Variants in STAM2 observed in about 807,000 individuals in gnomAD.
STAM2 encodes the protein signal transducing adapter molecule 2.
A neutral mutation model predicts 65.6 loss-of-function variants in STAM2; 51 were observed. The ratio of observed to expected loss-of-function variants is 0.78; its 90% CI spans 0.62 to 0.98. The LOEUF (loss-of-function observed/expected upper bound fraction) is 0.98. STAM2 is among the 50% of genes least tolerant of loss of function. The pLI is 0.00. For missense variants in STAM2, 584 were observed against 617.8 expected (o/e 0.95, Z 0.58); for synonymous variants, 198 against 208.4 (o/e 0.95, Z 0.43).
At chr2:152,129,223 A>C (rs1490432835) in intron 11 of STAM2, among the ~76,000 whole-genome samples, 1 of 152,110 alleles carries the variant, frequency 6.6e-6, no homozygotes, top group Non-Finnish European at 1.5e-5. Context: ...GGCTCACTGC[A>C]GCCTCCTTGA....
chr2:152,143,560 T>C (rs1316429631), intron 7 of STAM2, among the ~76,000 whole-genome samples: 1 of 152,234 alleles, frequency 6.6e-6, no homozygotes, highest in Non-Finnish European at 1.5e-5. Flanking sequence ...TAACTGAGTA[T>C]TTACATGTTT....
At chr2:152,125,999 C>A (rs1579310889) in intron 12 of STAM2, 1 of 363,586 alleles carries the variant, frequency 2.8e-6, no homozygotes, top group African/African-American at 2.1e-5. Context: ...ATGGTCTTTT[C>A]ATCCATGTTA....
intron 2 of STAM2, among the ~76,000 whole-genome samples, chr2:152,149,626 T>G (rs533081066): frequency 1.3e-5 from 2 of 151,826 alleles, no homozygotes; most frequent in Non-Finnish European, 2.9e-5. Context: ...GCATCTCAAG[T>G]AGCTGGGATT....
intron 1 of STAM2, among the ~76,000 whole-genome samples, chr2:152,155,266 G>C (rs1431876627): frequency 6.6e-6 from 1 of 152,234 alleles, no homozygotes; most frequent in Admixed American, 6.5e-5. Context: ...CTGGTACAAT[G>C]TGTAAGGTGG....
intron 1 of STAM2, among the ~76,000 whole-genome samples, chr2:152,156,313 G>A (rs896029738): frequency 6.6e-6 from 1 of 152,070 alleles, no homozygotes; most frequent in African/African-American, 2.4e-5. Context: ...ATAATGGCCT[G>A]CCAAAAAGGA....
intron 7 of STAM2, among the ~76,000 whole-genome samples, chr2:152,142,678 G>T (rs1689269465): frequency 6.6e-6 from 1 of 152,158 alleles, no homozygotes; most frequent in Non-Finnish European, 1.5e-5. Flanking sequence ...TGTGTTAGAT[G>T]ATTTTGCCCA....
chr2:152,131,115 T>C (rs944986136), intron 11 of STAM2, among the ~76,000 whole-genome samples: 5 of 151,944 alleles, frequency 3.3e-5, no homozygotes, highest in African/African-American at 4.8e-5. Context: ...CTTCAAACAC[T>C]AGAGAAATTT....
At chr2:152,161,519 T>TTA in intron 1 of STAM2, among the ~76,000 whole-genome samples, 1 of 148,990 alleles carries the variant, frequency 6.7e-6, no homozygotes, top group Admixed American at 6.6e-5. Context: ...AAAAAAAACA[T>TTA]TATATATACT....
intron 1 of STAM2, among the ~76,000 whole-genome samples, chr2:152,160,330 C>G (rs1328607093): frequency 6.6e-6 from 1 of 151,608 alleles, no homozygotes; most frequent in African/African-American, 2.4e-5. Context: ...TGAGGAGCGT[C>G]TCTGCCTGGC....
intron 5 of STAM2, among the ~76,000 whole-genome samples, chr2:152,145,725 C>T (rs1689326847): frequency 6.6e-6 from 1 of 152,110 alleles, no homozygotes; most frequent in Admixed American, 6.5e-5. Flanking sequence ...GTGTGAAGTC[C>T]TTTTACTAGT....
In STAM2 at chr2:152,144,081, T is replaced by C. The variant is rs6753703; in HGVS notation, c.518-68A>G. On this transcript the variant is annotated intron_variant, in intron 6 of 13. Transcript: ENST00000263904. ...TGATAAAATAAACATTAGATGACAATGTAAAATTTAATAAGAATAAATCAA... is the reference window on the plus strand; with the variant it reads ...TGATAAAATAAACATTAGATGACAACGTAAAATTTAATAAGAATAAATCAA... 19,620 of 1,393,778 alleles carry C rather than the reference T, an allele frequency of 0.014. 1,018 individuals are homozygous for C. The African/African-American group carries it at 0.16, about 12-fold the overall frequency. 86.3% of individuals were successfully genotyped at this position (1,393,778 alleles called of 1,614,324 possible).
rs1453106041 is a variant in STAM2, at chr2:152,118,206, A to C, written c.*2368T>G. ...GAAGTTAGACAATTCCCTTTGGCAGAAAACAATTATAAACAGGTCTTAATA... is the reference window on the plus strand; with the variant it reads ...GAAGTTAGACAATTCCCTTTGGCAGCAAACAATTATAAACAGGTCTTAATA... On this transcript the variant is annotated 3_prime_UTR_variant, in exon 14 of 14. Transcript: ENST00000263904. 1.3e-5 allele frequency: 2 copies of C among 152,020 alleles called. No individual in the cohort carries two copies. Among genetic ancestry groups the C allele is most frequent in the Non-Finnish European group, 2.9e-5 (2 of 67,940 alleles). The allele number at this position is 152,020 out of a possible 1,614,324, so 9.4% of individuals were successfully genotyped here.
At chr2:152,161,260 G>T (rs3963509) in intron 1 of STAM2, among the ~76,000 whole-genome samples, 1 of 149,462 alleles carries the variant, frequency 6.7e-6, no homozygotes, top group Non-Finnish European at 1.5e-5. Context: ...GATTAAGGGC[G>T]GTGCAAGATG....
At chr2:152,168,453 C>A (rs1689836376) in intron 1 of STAM2, among the ~76,000 whole-genome samples, 1 of 152,030 alleles carries the variant, frequency 6.6e-6, no homozygotes, top group African/African-American at 2.4e-5. Context: ...CCACCGCGCC[C>A]AGCCACAAGG....
chr2:152,136,841 C>T (rs975922476), intron 7 of STAM2, among the ~76,000 whole-genome samples: 6 of 151,752 alleles, frequency 4.0e-5, no homozygotes, highest in Admixed American at 6.6e-5. Context: ...AATTTCTCTG[C>T]GCTTATTCAC....
Position 152,135,746 on chromosome 2 carries a change from A to G in STAM2, c.705-143T>C, listed in dbSNP as rs931321636. ...TTGAGTCATTTTTCTTAAATTTAATAAACGATATTAAAAAGTACAAGTAAA... is the reference window on the plus strand; with the variant it reads ...TTGAGTCATTTTTCTTAAATTTAATGAACGATATTAAAAAGTACAAGTAAA... On this transcript the variant is annotated intron_variant, in intron 7 of 13. Transcript: ENST00000263904. The G allele has an allele frequency of 3.2e-5, 19 of 598,174 alleles. No individual in the cohort carries two copies. In the African/African-American group the frequency reaches 3.2e-4, roughly 10 times the overall value. 37.1% of individuals were successfully genotyped at this position (598,174 alleles called of 1,614,324 possible).
intron 2 of STAM2, among the ~76,000 whole-genome samples, chr2:152,149,655 G>A (rs1399272505): frequency 1.3e-5 from 2 of 151,948 alleles, no homozygotes; most frequent in Admixed American, 6.6e-5. Flanking sequence ...ACACCATTAT[G>A]TCCAGCTAAG....
At chr2:152,141,618 T>G (rs1356946538) in intron 7 of STAM2, among the ~76,000 whole-genome samples, 1 of 151,270 alleles carries the variant, frequency 6.6e-6, no homozygotes, top group Non-Finnish European at 1.5e-5. Flanking sequence ...TGAGACAGAG[T>G]CTCGCTCTGT....
chr2:152,155,541 T>G (rs1689526896), intron 1 of STAM2, among the ~76,000 whole-genome samples: 1 of 152,208 alleles, frequency 6.6e-6, no homozygotes, highest in South Asian at 2.1e-4. Context: ...TTTGGGAGTC[T>G]CAACAAGGAG....
Sources: allele counts gnomAD v4.1 joint callset (sites outside exome capture counted in the v4.1 genomes callset), GRCh38; gene constraint gnomAD v4.1.1; transcripts MANE v1.5; gene names NCBI Gene and HGNC (gene_info 2026-07-23, HGNC 2026-07-21).